The following INPP4B variants were observed in gnomAD, a reference collection of about 807,000 sequenced individuals.
The protein encoded by INPP4B is inositol polyphosphate-4-phosphatase type II B.
INPP4B carries 55 observed loss-of-function variants against 122.5 expected under a neutral mutation model. The ratio of observed to expected loss-of-function variants is 0.45; its 90% CI spans 0.36 to 0.56. The LOEUF (loss-of-function observed/expected upper bound fraction) is 0.56. Ranked by LOEUF, INPP4B falls within the 20% of genes least tolerant of loss-of-function variation. The probability of loss-of-function intolerance (pLI) is 0.00; values close to 1 mark genes in which losing one functional copy is unlikely to be tolerated. For missense variants in INPP4B, 1,000 were observed against 1,097.7 expected (o/e 0.91, Z 1.26); for synonymous variants, 403 against 388.7 (o/e 1.04, Z -0.43).
intron 2 of INPP4B, among the ~76,000 whole-genome samples, chr4:142,682,045 G>C (rs537603516): frequency 6.6e-6 from 1 of 151,782 alleles, no homozygotes; most frequent in Non-Finnish European, 1.5e-5. Context: ...TCTTCTAAGT[G>C]CTCTGTGAGT....
At chr4:142,790,399 G>A (rs1561072386) in intron 1 of INPP4B, among the ~76,000 whole-genome samples, 1 of 151,936 alleles carries the variant, frequency 6.6e-6, no homozygotes, top group Non-Finnish European at 1.5e-5. Context: ...TAAAAAGTGG[G>A]CTAAGGACAT....
intron 1 of INPP4B, among the ~76,000 whole-genome samples, chr4:142,768,137 G>T (rs1041074259): frequency 6.6e-6 from 1 of 152,132 alleles, no homozygotes; most frequent in Non-Finnish European, 1.5e-5. Flanking sequence ...ATGTAAAGTG[G>T]TTAGAACGAA....
intron 2 of INPP4B, among the ~76,000 whole-genome samples, chr4:142,689,992 A>G (rs555664337): frequency 1.3e-5 from 2 of 152,334 alleles, no homozygotes; most frequent in Admixed American, 1.3e-4. Flanking sequence ...AGTGACACTT[A>G]TATTTAATAA....
intron 2 of INPP4B, among the ~76,000 whole-genome samples, chr4:142,506,347 T>A (rs990193171): frequency 4.6e-5 from 7 of 152,118 alleles, no homozygotes; most frequent in African/African-American, 1.7e-4. Flanking sequence ...TGTCCTTTCC[T>A]CCTTTCTTCC....
At position 142,719,737 on chromosome 4, in the gene INPP4B, A is replaced by C. The variant is rs141090353; in HGVS notation, c.-191+6102T>G. ...AAATATCATTTTTTCTTATTTCTAG[A>C]TGATGTTGTCAACTCATGAGCAAAC... On this transcript the variant is annotated intron_variant, in intron 2 of 25. Transcript: ENST00000262992. 1.5e-4 allele frequency among the ~76,000 whole-genome samples: 23 copies of C among 152,300 alleles called. No homozygotes were observed. In the East Asian group the frequency reaches 4.2e-3, roughly 28 times the overall value.
intron 22 of INPP4B, among the ~76,000 whole-genome samples, chr4:142,108,454 G>A (rs2152687360): frequency 6.6e-6 from 1 of 152,212 alleles, no homozygotes; most frequent in Non-Finnish European, 1.5e-5. Flanking sequence ...TAAAACAACA[G>A]TCTCTGTGCA....
rs530338785 is a variant in INPP4B at position 142,343,290 on chromosome 4, G to T, written c.373-28528C>A. ...CCCACTGAAATTGATATTCTGACTG[G>T]TAAATTACCAGGGGTCTCAAGGACT... is the stretch of plus-strand genomic sequence containing the variant. On this transcript the variant is annotated intron_variant, in intron 7 of 25. Coordinates refer to ENST00000262992, the MANE Select transcript of INPP4B (RefSeq NM_001101669.3). Among the ~76,000 whole-genome samples, 22 of 152,056 alleles carry T rather than the reference G, an allele frequency of 1.4e-4. No individual in the cohort carries two copies. The South Asian group carries it at 4.6e-3, about 32-fold the overall frequency.
intron 3 of INPP4B, among the ~76,000 whole-genome samples, chr4:142,436,811 A>AT (rs1388822840): frequency 1.6e-5 from 2 of 128,106 alleles, no homozygotes; most frequent in Non-Finnish European, 3.3e-5. Context: ...AGAATCAATA[A>AT]AAAAAAAAAA....
chr4:142,658,766 T>C (rs1016372758), intron 2 of INPP4B, among the ~76,000 whole-genome samples: 1 of 152,182 alleles, frequency 6.6e-6, no homozygotes, highest in Non-Finnish European at 1.5e-5. Context: ...GTGGGGAAAC[T>C]GGTCTCATAC....
At chr4:142,209,688 G>A (rs1278300822) in intron 12 of INPP4B, among the ~76,000 whole-genome samples, 2 of 151,296 alleles carry the variant, frequency 1.3e-5, no homozygotes, top group Non-Finnish European at 2.9e-5. Flanking sequence ...AACTACTCAG[G>A]AGGCTGAGGC....
At chr4:142,469,684 T>C (rs138009209) in intron 2 of INPP4B, among the ~76,000 whole-genome samples, 53 of 152,272 alleles carry the variant, frequency 3.5e-4, no homozygotes, top group African/African-American at 1.3e-3. Context: ...AAACATTCAA[T>C]TTTATGCATT....
chr4:142,747,380 G>A (rs898987687), intron 1 of INPP4B, among the ~76,000 whole-genome samples: 5 of 152,130 alleles, frequency 3.3e-5, no homozygotes, highest in African/African-American at 1.2e-4. Context: ...CACAGGTACT[G>A]GAGAGGATGT....
At chr4:142,126,310 T>C (rs3775640) in intron 18 of INPP4B, among the ~76,000 whole-genome samples, 20,453 of 152,046 alleles carry the variant, frequency 0.13, 1,554 homozygotes, top group East Asian at 0.24. Context: ...GTAATGTGAG[T>C]GGTAAATAAT....
At chr4:142,118,375 G>A (rs1272240796) in intron 21 of INPP4B, among the ~76,000 whole-genome samples, 1 of 149,276 alleles carries the variant, frequency 6.7e-6, no homozygotes, top group Non-Finnish European at 1.5e-5. Context: ...GAGGCATCAT[G>A]CTATCTGACT....
intron 2 of INPP4B, among the ~76,000 whole-genome samples, chr4:142,682,039 C>T (rs1758699126): frequency 6.6e-6 from 1 of 151,702 alleles, no homozygotes. Context: ...CCTTGTTCTT[C>T]TAAGTGCTCT....
At chr4:142,070,949 C>A (rs1453878618) in intron 25 of INPP4B, among the ~76,000 whole-genome samples, 1 of 152,112 alleles carries the variant, frequency 6.6e-6, no homozygotes, top group Non-Finnish European at 1.5e-5. Context: ...CCCCATCAAG[C>A]TACCAATGAC....
intron 2 of INPP4B, among the ~76,000 whole-genome samples, chr4:142,655,641 T>C (rs1001747832): frequency 2.0e-5 from 3 of 152,176 alleles, no homozygotes; most frequent in Admixed American, 6.5e-5. Flanking sequence ...TTAAAGCTAA[T>C]GAATGGCATA....
chr4:142,701,282 C>T (rs1761727677), intron 2 of INPP4B, among the ~76,000 whole-genome samples: 1 of 152,060 alleles, frequency 6.6e-6, no homozygotes, highest in South Asian at 2.1e-4. Flanking sequence ...TAGGTACTCC[C>T]TCCTGCCAGC....
intron 1 of INPP4B, among the ~76,000 whole-genome samples, chr4:142,779,134 C>A (rs915444172): frequency 6.6e-6 from 1 of 151,868 alleles, no homozygotes; most frequent in Admixed American, 6.6e-5. Context: ...CCAACTCAGT[C>A]CCTAACAGAA....
Sources: gnomAD v4.1 joint callset for allele counts (sites outside exome capture counted in the v4.1 genomes callset) on GRCh38, gnomAD v4.1.1 for gene constraint, MANE v1.5 for transcripts, NCBI Gene and HGNC (gene_info 2026-07-23, HGNC 2026-07-21) for gene names.